Variants in IARS2 observed in about 807,000 individuals in gnomAD.
IARS2 encodes the protein isoleucine--tRNA ligase, mitochondrial.
A neutral mutation model predicts 126.3 loss-of-function variants in IARS2; 56 were observed. That is an observed-to-expected ratio of 0.44 (90% CI 0.36 to 0.55). The LOEUF (loss-of-function observed/expected upper bound fraction) is 0.55, where lower values mean the gene tolerates loss of function less well. Ranked by LOEUF, IARS2 falls within the 20% of genes least tolerant of loss-of-function variation. IARS2 has a pLI of 0.00. For synonymous variants in IARS2, 407 were observed against 441.1 expected, an observed-to-expected ratio of 0.92 and a Z score of 0.97; for missense variants, 1,127 against 1,245.9, an observed-to-expected ratio of 0.90 and a Z score of 1.44.
chr1:220,131,543 G>T (rs1657267192), intron 14 of IARS2, among the ~76,000 whole-genome samples: 1 of 151,964 alleles, frequency 6.6e-6, no homozygotes, highest in African/African-American at 2.4e-5. Context: ...TAGAGACGGG[G>T]TTTCTCCATG....
At chr1:220,131,793 A>ATTT (rs34917733) in intron 14 of IARS2, among the ~76,000 whole-genome samples, 6 of 120,592 alleles carry the variant, frequency 5.0e-5, no homozygotes, top group South Asian at 2.7e-4. Context: ...GCCACGTTGA[A>ATTT]TTTTTTTTTT....
At chr1:220,106,153 CTTTT>C in intron 9 of IARS2, 93 bp downstream of exon 9, 9 of 1,076,008 alleles carry the variant, frequency 8.4e-6, no homozygotes, top group Non-Finnish European at 1.1e-5. Flanking sequence ...AAAATGATGA[CTTTT>C]GTCATCATAA....
chr1:220,128,642 A>G (rs1335915558), intron 14 of IARS2, among the ~76,000 whole-genome samples: 2 of 152,184 alleles, frequency 1.3e-5, no homozygotes, highest in Admixed American at 6.5e-5. Flanking sequence ...TCCTGCTGGC[A>G]CATTTTGGGC....
At chr1:220,132,347 A>T (rs573293933) in intron 14 of IARS2, among the ~76,000 whole-genome samples, 1 of 152,206 alleles carries the variant, frequency 6.6e-6, no homozygotes, top group East Asian at 1.9e-4. Context: ...TTACTTATTC[A>T]GTCCGGTTAC....
At chr1:220,100,418 A>T in intron 2 of IARS2, 72 bp from the exon 3 acceptor site, 1 of 1,247,376 alleles carries the variant, frequency 8.0e-7, no homozygotes, top group Non-Finnish European at 1.1e-6. Context: ...TTATCATTTT[A>T]TCTTTGCAGA....
chr1:220,135,231 G>A lies in IARS2; in HGVS notation c.1946+721G>A, dbSNP rs183608392. 3.9e-5 allele frequency among the ~76,000 whole-genome samples: 6 copies of A among 152,332 alleles called. 1 individual carries two copies. In the South Asian group the frequency reaches 1.0e-3, roughly 26 times the overall value. ...GCTTTCATGAATTTTATTAAATTAG[G>A]TATTCTCATTTAGTACACATAATTA... On this transcript the variant is annotated intron_variant, in intron 15 of 22. Transcript: ENST00000366922.
chr1:220,111,355 C>T (rs1350137746), intron 11 of IARS2, among the ~76,000 whole-genome samples: 2 of 151,954 alleles, frequency 1.3e-5, no homozygotes, highest in Non-Finnish European at 2.9e-5. Context: ...AATAAGCAGT[C>T]AGTAAAACTT....
chr1:220,116,748 ATTATT>A (rs1450943968), intron 12 of IARS2, among the ~76,000 whole-genome samples: 2 of 151,998 alleles, frequency 1.3e-5, no homozygotes, highest in East Asian at 1.9e-4. Flanking sequence ...TCCAGTTCAG[ATTATT>A]TTATTTTATT....
At chr1:220,143,179 A>G (rs758369964) in intron 21 of IARS2, 45 bp downstream of exon 21, 12 of 1,431,942 alleles carry the variant, frequency 8.4e-6, no homozygotes, top group Non-Finnish European at 1.1e-5. Context: ...AGTATCATAG[A>G]GCTTTGCCTG....
intron 18 of IARS2, among the ~76,000 whole-genome samples, 195 bp downstream of exon 18, chr1:220,139,334 A>G (rs1657442753): frequency 6.6e-6 from 1 of 152,246 alleles, no homozygotes; most frequent in Non-Finnish European, 1.5e-5. Context: ...ACAAGAAGGA[A>G]TAAAGTGGAG....
chr1:220,129,887 G>T (rs1657224761), intron 14 of IARS2, among the ~76,000 whole-genome samples: 1 of 152,066 alleles, frequency 6.6e-6, no homozygotes, highest in Non-Finnish European at 1.5e-5. Flanking sequence ...GGGATTGCTG[G>T]CTTATATGGT....
At chr1:220,114,126 C>G (rs1656867700) in intron 11 of IARS2, among the ~76,000 whole-genome samples, 188 bp from the exon 12 acceptor site, 1 of 152,074 alleles carries the variant, frequency 6.6e-6, no homozygotes, top group Non-Finnish European at 1.5e-5. Context: ...CTTCGCGGCT[C>G]CATTTTTACT....
intron 12 of IARS2, among the ~76,000 whole-genome samples, chr1:220,121,885 C>T (rs895668876): frequency 6.6e-6 from 1 of 152,136 alleles, no homozygotes; most frequent in Non-Finnish European, 1.5e-5. Flanking sequence ...TGAGGCCAGG[C>T]ATTTGAGACC....
intron 8 of IARS2, among the ~76,000 whole-genome samples, chr1:220,104,618 C>G (rs149696841): frequency 0.027 from 4,037 of 152,196 alleles, 98 homozygotes; most frequent in East Asian, 0.058. Flanking sequence ...CTCCTGGCCT[C>G]AAGTGATCCT....
chr1:220,112,275 C>T lies in IARS2; in HGVS notation c.1479+1338C>T, dbSNP rs558881904. 2.1e-3 allele frequency among the ~76,000 whole-genome samples: 242 copies of T among 117,212 alleles called. 43 individuals carry two copies. Among genetic ancestry groups the T allele is most frequent in the Non-Finnish European group, 3.4e-3 (189 of 56,104 alleles). The allele number at this position is 117,212 out of a possible 152,430, so 76.9% of individuals were successfully genotyped here. A position where few individuals can be genotyped will look rare whatever the true frequency, so the allele number is the denominator to read the frequency against. On this transcript the variant is annotated intron_variant, in intron 11 of 22. Coordinates refer to ENST00000366922, the MANE Select transcript of IARS2 (RefSeq NM_018060.4). The stretch of plus-strand genomic sequence containing the variant: ...TCAGCCTCCCGAGTAGCTGGGACTA[C>T]AGGCGCCCGCCACCGCGCCCGGCTA...
chr1:220,115,883 A>C (rs1163036990), intron 12 of IARS2, among the ~76,000 whole-genome samples: 1 of 152,154 alleles, frequency 6.6e-6, no homozygotes, highest in Non-Finnish European at 1.5e-5. Context: ...CTTGGTGTAA[A>C]GCACAGTATT....
intron 2 of IARS2, among the ~76,000 whole-genome samples, chr1:220,096,915 G>A (rs1460868199): frequency 1.3e-5 from 2 of 152,028 alleles, no homozygotes; most frequent in African/African-American, 4.8e-5. Flanking sequence ...GCATGGTGGC[G>A]GGAGCCTATA....
In IARS2 at chr1:220,105,903, A is replaced by T; in HGVS notation, c.1079A>T (p.Glu360Val). 6.2e-7 allele frequency: 1 copy of T among 1,612,162 alleles called. No homozygotes were observed. The highest frequency in any genetic ancestry group is 1.1e-5 in the South Asian group (1 of 90,984). Residue 360 changes from glutamate to valine, a missense_variant, in exon 9 of 23, where the codon GAA becomes GTA. By Grantham distance (121) the Glu-to-Val change is moderately radical. Coordinates refer to ENST00000366922, the MANE Select transcript of IARS2 (RefSeq NM_018060.4). ...TISTLSGVDLENGTCSHPLIP... is the reference protein window; with the variant it reads ...TISTLSGVDLVNGTCSHPLIP... The stretch of plus-strand genomic sequence containing the variant: ...TCTTTCCCCACAGGTGTAGATTTGG[A>T]AAATGGTACTTGCAGTCATCCATTA...
At chr1:220,116,214 A>G (rs1656910878) in intron 12 of IARS2, among the ~76,000 whole-genome samples, 1 of 152,184 alleles carries the variant, frequency 6.6e-6, no homozygotes, top group Admixed American at 6.5e-5. Flanking sequence ...GTCTCTTCAG[A>G]ACGAAACAAA....
Sources: allele counts gnomAD v4.1 joint callset (sites outside exome capture counted in the v4.1 genomes callset), GRCh38; gene constraint gnomAD v4.1.1; transcripts MANE v1.5; gene names NCBI Gene and HGNC (gene_info 2026-07-23, HGNC 2026-07-21).